TTC29: variants seen among roughly 807,000 people sequenced by gnomAD.
TTC29 encodes tetratricopeptide repeat domain 29.
Under a neutral mutation model 58.1 loss-of-function variants are expected in TTC29, and 49 were observed. That is an observed-to-expected ratio of 0.84 (90% CI 0.67 to 1.07). TTC29 has a LOEUF of 1.07. Ranked by LOEUF, TTC29 falls within the 50% of genes least tolerant of loss-of-function variation. TTC29 has a pLI of 0.00. For missense variants in TTC29, 582 were observed against 555.6 expected, an observed-to-expected ratio of 1.05 and a Z score of -0.48; for synonymous variants, 209 against 196.8, an observed-to-expected ratio of 1.06 and a Z score of -0.52.
At chr4:146,825,007 T>G (rs149629850) in intron 9 of TTC29, among the ~76,000 whole-genome samples, 1 of 152,156 alleles carries the variant, frequency 6.6e-6, no homozygotes, top group Non-Finnish European at 1.5e-5. Flanking sequence ...TCTATATTAG[T>G]CTTGCTAGCA....
intron 11 of TTC29, among the ~76,000 whole-genome samples, chr4:146,734,155 T>C (rs1481830585): frequency 1.3e-5 from 2 of 152,152 alleles, no homozygotes; most frequent in African/African-American, 4.8e-5. Context: ...ATATGATTGA[T>C]TGCAAACCAA....
chr4:146,868,352 C>A (rs961810597), intron 7 of TTC29, among the ~76,000 whole-genome samples: 1 of 151,808 alleles, frequency 6.6e-6, no homozygotes, highest in African/African-American at 2.4e-5. Flanking sequence ...TGCACATGTA[C>A]CCTAAAACTT....
intron 3 of TTC29, 105 bp from the exon 4 acceptor site, chr4:146,937,782 C>A: frequency 1.6e-6 from 1 of 606,190 alleles, no homozygotes; most frequent in African/African-American, 1.9e-5. Flanking sequence ...GGGTATAATA[C>A]CATATGTAAT....
At chr4:146,735,255 C>T (rs560507268) in intron 11 of TTC29, among the ~76,000 whole-genome samples, 31 of 151,988 alleles carry the variant, frequency 2.0e-4, no homozygotes, top group South Asian at 1.5e-3. Context: ...ATGTAGTCAA[C>T]GTGGGGGAAG....
At chr4:146,832,701 A>C (rs1728248364) in intron 9 of TTC29, among the ~76,000 whole-genome samples, 1 of 151,958 alleles carries the variant, frequency 6.6e-6, no homozygotes, top group African/African-American at 2.4e-5. Context: ...CATGTTGGCC[A>C]GGCTGGTCTC....
chr4:146,763,332 A>G (rs749769864), intron 11 of TTC29, among the ~76,000 whole-genome samples: 19 of 152,078 alleles, frequency 1.2e-4, no homozygotes, highest in Non-Finnish European at 2.4e-4. Flanking sequence ...CCTGATTCCC[A>G]CAGACTTTCC....
intron 11 of TTC29, among the ~76,000 whole-genome samples, chr4:146,791,486 G>A (rs1749444768): frequency 6.6e-6 from 1 of 152,130 alleles, no homozygotes; most frequent in African/African-American, 2.4e-5. Flanking sequence ...TAAATGTTGT[G>A]TGTGTTCTGA....
At chr4:146,881,205 C>G (rs1561215868) in intron 6 of TTC29, among the ~76,000 whole-genome samples, 1 of 152,112 alleles carries the variant, frequency 6.6e-6, no homozygotes, top group Non-Finnish European at 1.5e-5. Context: ...TAGCTCCATG[C>G]ATCAGCAATT....
At chr4:146,764,587 C>T (rs1023249741) in intron 11 of TTC29, among the ~76,000 whole-genome samples, 1 of 151,592 alleles carries the variant, frequency 6.6e-6, no homozygotes, top group African/African-American at 2.4e-5. Flanking sequence ...AGGAGCGTAC[C>T]CATACATAGG....
At chr4:146,714,566 C>T (rs1304095578) in intron 11 of TTC29, among the ~76,000 whole-genome samples, 1 of 151,250 alleles carries the variant, frequency 6.6e-6, no homozygotes, top group East Asian at 1.9e-4. Flanking sequence ...TCAACAGACC[C>T]CAAGCTTAAG....
chr4:146,744,371 AAGAG>A (rs373720097), intron 11 of TTC29, among the ~76,000 whole-genome samples: 3 of 150,508 alleles, frequency 2.0e-5, no homozygotes, highest in Admixed American at 1.3e-4. Context: ...CATCTCTTAA[AAGAG>A]AGAGAGAGAG....
At chr4:146,928,330 G>C (rs1421010073) in intron 4 of TTC29, among the ~76,000 whole-genome samples, 1 of 152,086 alleles carries the variant, frequency 6.6e-6, no homozygotes, top group African/African-American at 2.4e-5. Context: ...ATTTTTAGCT[G>C]TAAATTGAAC....
chr4:146,878,879 T>C (rs1327848557), intron 6 of TTC29, among the ~76,000 whole-genome samples: 1 of 152,128 alleles, frequency 6.6e-6, no homozygotes, highest in Non-Finnish European at 1.5e-5. Context: ...AGCCATGCAG[T>C]GACATCTGTG....
rs1046052402 is a variant in TTC29 at position 146,707,183 on chromosome 4, G to A, written c.1403C>T (p.Pro468Leu). 2.6e-6 allele frequency: 4 copies of A among 1,513,288 alleles called. No homozygotes were observed. Among genetic ancestry groups the A allele is most frequent in the Non-Finnish European group, 3.6e-6 (4 of 1,126,128 alleles). 93.7% of individuals were successfully genotyped at this position (1,513,288 alleles called of 1,614,324 possible). The stretch of plus-strand genomic sequence containing the variant: ...TTAAGTTTCATTTTTTTGATCACCT[G>A]GAAACCTGAAATAAAATAAATTATA... ...SERLEELSRF[P>L]GDQKNET The change falls in exon 13 of 13, where the codon CCA (proline) becomes CTA (leucine). Residue 468 changes from proline (P) to leucine (L), a missense_variant. Transcript: ENST00000325106.
intron 8 of TTC29, among the ~76,000 whole-genome samples, chr4:146,842,096 G>A (rs533058382): frequency 3.7e-4 from 56 of 152,044 alleles, no homozygotes; most frequent in African/African-American, 1.3e-3. Flanking sequence ...GTGAGTCAAG[G>A]CCAAGGATGC....
intron 6 of TTC29, among the ~76,000 whole-genome samples, chr4:146,876,295 T>G (rs1221543836): frequency 2.6e-5 from 4 of 152,278 alleles, no homozygotes; most frequent in Admixed American, 1.3e-4. Flanking sequence ...CTTCAGAAAC[T>G]CCAGCAGGCA....
intron 11 of TTC29, among the ~76,000 whole-genome samples, chr4:146,722,859 T>C (rs531639823): frequency 1.6e-4 from 24 of 152,176 alleles, no homozygotes; most frequent in African/African-American, 5.3e-4. Flanking sequence ...CGCCATACCC[T>C]GCTAATTTTT....
At position 146,878,020 on chromosome 4, in the gene TTC29, G is replaced by A. The variant is rs563099885; in HGVS notation, c.587-3092C>T. On this transcript the variant is annotated intron_variant, in intron 6 of 12. Coordinates refer to ENST00000325106, the MANE Select transcript of TTC29 (RefSeq NM_031956.4). Reference sequence around the variant, plus strand: ...GAAGAGTGGAGGGAAGGCTGGGGCTGTGTCTTCGTATTCCTTATCCGCCAG... The same window carrying A: ...GAAGAGTGGAGGGAAGGCTGGGGCTATGTCTTCGTATTCCTTATCCGCCAG... Among the ~76,000 whole-genome samples the A allele has an allele frequency of 2.6e-5, 4 of 152,212 alleles. No individual in the cohort carries two copies. The East Asian group carries it at 5.8e-4, about 22-fold the overall frequency.
At chr4:146,827,165 GC>G (rs1365098416) in intron 9 of TTC29, among the ~76,000 whole-genome samples, 1 of 152,024 alleles carries the variant, frequency 6.6e-6, no homozygotes, top group Non-Finnish European at 1.5e-5. Flanking sequence ...GAGGGAGGGG[GC>G]TCCCCTTCCC....
Sources: gnomAD v4.1 joint callset for allele counts (sites outside exome capture counted in the v4.1 genomes callset) on GRCh38, gnomAD v4.1.1 for gene constraint, MANE v1.5 for transcripts, NCBI Gene and HGNC (gene_info 2026-07-23, HGNC 2026-07-21) for gene names.